SREBF2: variants seen among roughly 807,000 people sequenced by gnomAD.
The protein encoded by SREBF2 is sterol regulatory element-binding protein 2.
A neutral mutation model predicts 113.1 loss-of-function variants in SREBF2; 55 were observed. The observed-to-expected ratio is 0.49, with a 90% CI of 0.39 to 0.61. The LOEUF (loss-of-function observed/expected upper bound fraction) is 0.61. Among genes scored for constraint, SREBF2 ranks in the 20% least tolerant of loss-of-function variants. The probability of loss-of-function intolerance (pLI) is 0.00; values close to 1 mark genes in which losing one functional copy is unlikely to be tolerated. For synonymous variants in SREBF2, 593 were observed against 605.7 expected, an observed-to-expected ratio of 0.98 and a Z score of 0.31; for missense variants, 1,349 against 1,487.4, an observed-to-expected ratio of 0.91 and a Z score of 1.53.
chr22:41,836,049 AG>A (rs1470616016), intron 1 of SREBF2, among the ~76,000 whole-genome samples: 4 of 152,252 alleles, frequency 2.6e-5, no homozygotes, highest in African/African-American at 9.6e-5. Flanking sequence ...GTGGCTTCAT[AG>A]GTCCATTAGG....
In SREBF2 at chr22:41,902,678, G is replaced by A. The variant is rs11912825; in HGVS notation, c.2908-292G>A. On this transcript the variant is annotated intron_variant, in intron 16 of 18. Transcript: ENST00000361204. ...CCACAAGGGTTTTATTTCTGCCCCT[G>A]CCACCTGCCTGTGCTGTATTCCCTA... Among the ~76,000 whole-genome samples the A allele has an allele frequency of 7.3e-3, 1,117 of 152,284 alleles. 10 individuals are homozygous for A. Among genetic ancestry groups the A allele is most frequent in the African/African-American group, 0.026 (1,065 of 41,546 alleles).
At chr22:41,902,947 C>G (rs1229001310) in intron 16 of SREBF2, 23 bp from the exon 17 acceptor site, 6 of 1,602,876 alleles carry the variant, frequency 3.7e-6, no homozygotes, top group South Asian at 1.1e-5. Context: ...CCTGTCTCCC[C>G]TCTCTCGTGG....
In SREBF2 at chr22:41,897,066, C is replaced by T. The variant is rs140292172; in HGVS notation, c.2510C>T (p.Ala837Val). 6.2e-7 allele frequency: 1 copy of T among 1,612,576 alleles called. No homozygotes were observed. Among genetic ancestry groups the T allele is most frequent in the Non-Finnish European group, 8.5e-7 (1 of 1,179,236 alleles). ...QEEESCEFSS[A>V]LEYLKLLHSF... ...TTTCTTCCTAGTGAATTCTCCAGTG[C>T]TCTGGAGTACTTGAAATTACTTCAT... The change falls in exon 14 of 19, where the codon GCT (alanine) becomes GTT (valine). Residue 837 changes from alanine to valine, a missense_variant. By Grantham distance (64) the Ala-to-Val change is moderately conservative (BLOSUM62 0). Around this residue, in one of 2 missense-constraint regions of SREBF2, gnomAD observed 650 missense variants for 644.1 expected, o/e 1.01. Coordinates refer to ENST00000361204, the MANE Select transcript of SREBF2 (RefSeq NM_004599.4).
At chr22:41,886,761 C>T (rs759457037) in intron 11 of SREBF2, among the ~76,000 whole-genome samples, 5 of 152,210 alleles carry the variant, frequency 3.3e-5, no homozygotes, top group Admixed American at 6.5e-5. Context: ...GGGCCGGGCA[C>T]GGTGGCTTAC....
At chr22:41,857,585 G>A (rs62240960) in intron 1 of SREBF2, among the ~76,000 whole-genome samples, 4,735 of 152,188 alleles carry the variant, frequency 0.031, 95 homozygotes, top group Middle Eastern at 0.078. Flanking sequence ...TTGAGAATCC[G>A]CACCTCTCCA....
chr22:41,866,491 A>G (rs775034982), intron 1 of SREBF2, among the ~76,000 whole-genome samples: 4 of 152,210 alleles, frequency 2.6e-5, no homozygotes, highest in Non-Finnish European at 5.9e-5. Context: ...CAGAGGTTGA[A>G]GTAAGACAAG....
In SREBF2 at chr22:41,833,190, T is replaced by G. The variant is rs1035415606; in HGVS notation, c.-81T>G. ...GCGGTGCCGGGCGGGGGTTGTCGGG[T>G]GTCATGGGCGGTGGCGACGGCACCG... On this transcript the variant is annotated 5_prime_UTR_variant, in exon 1 of 19. Transcript: ENST00000361204. The surrounding 1 kb of genome is among the most constrained non-coding windows in gnomAD (Gnocchi z 4.1). The G allele has an allele frequency of 9.0e-7, 1 of 1,115,994 alleles. No individual in the cohort carries two copies. Among genetic ancestry groups the G allele is most frequent in the Non-Finnish European group, 1.2e-6 (1 of 814,902 alleles). 69.1% of individuals were successfully genotyped at this position (1,115,994 alleles called of 1,614,324 possible).
intron 11 of SREBF2, 107 bp downstream of exon 11, chr22:41,885,118 C>A: frequency 7.5e-7 from 1 of 1,335,390 alleles, no homozygotes; most frequent in Non-Finnish European, 1.1e-6. Flanking sequence ...AGGTGCTGCC[C>A]ACCTGGAGGG....
intron 1 of SREBF2, among the ~76,000 whole-genome samples, chr22:41,856,796 C>T (rs1042271033): frequency 7.2e-5 from 11 of 152,036 alleles, no homozygotes; most frequent in Non-Finnish European, 1.2e-4. Context: ...GATTAAGGGC[C>T]GGGCACGGTG....
In SREBF2 at chr22:41,905,790, T is replaced by C. The variant is rs1261433444; in HGVS notation, c.*130T>C. 9.6e-7 allele frequency: 1 copy of C among 1,040,710 alleles called. No homozygotes were observed. Among genetic ancestry groups the C allele is most frequent in the South Asian group, 1.4e-5 (1 of 73,024 alleles). The allele number at this position is 1,040,710 out of a possible 1,614,324, so 64.5% of individuals were successfully genotyped here. A position where few individuals can be genotyped will look rare whatever the true frequency, so the allele number is the denominator to read the frequency against. Reference sequence around the variant, plus strand: ...TCACCTGCCGAGGCTTCTGGGCCACTCAGGCCAGTGCACCCCTGGGCAGAG... The same window carrying C: ...TCACCTGCCGAGGCTTCTGGGCCACCCAGGCCAGTGCACCCCTGGGCAGAG... On this transcript the variant is annotated 3_prime_UTR_variant, in exon 19 of 19. Transcript: ENST00000361204.
rs1412875845 is a variant in SREBF2, at chr22:41,833,224, T to G, written c.-47T>G. 8.9e-6 allele frequency: 13 copies of G among 1,453,818 alleles called. No individual in the cohort carries two copies. The highest frequency in any genetic ancestry group is 1.8e-4 in the Middle Eastern group (1 of 5,574). 90.1% of individuals were successfully genotyped at this position (1,453,818 alleles called of 1,614,324 possible). ...CGGTGGCGACGGCACCGCCCCCGCG[T>G]CTCCCTGAGCGGGACGGCAGGGGGG... On this transcript the variant is annotated 5_prime_UTR_variant, in exon 1 of 19. Transcript: ENST00000361204. The surrounding 1 kb of genome is among the most constrained non-coding windows in gnomAD (Gnocchi z 4.1).
At chr22:41,859,206 C>T (rs2077003576) in intron 1 of SREBF2, among the ~76,000 whole-genome samples, 1 of 151,832 alleles carries the variant, frequency 6.6e-6, no homozygotes, top group Admixed American at 6.6e-5. Context: ...ATATAAATAC[C>T]ACAATGAAAA....
chr22:41,872,892 C>CA (rs533730009), intron 4 of SREBF2, among the ~76,000 whole-genome samples: 2,809 of 120,702 alleles, frequency 0.023, 88 homozygotes, highest in African/African-American at 0.074. Flanking sequence ...GACTTTGTCT[C>CA]AAAAAAAAAA....
In SREBF2 at chr22:41,906,068, C is replaced by G; in HGVS notation, c.*408C>G. On this transcript the variant is annotated 3_prime_UTR_variant, in exon 19 of 19. Transcript: ENST00000361204. ...CTGAGCACCAGGGAGCAGTTGCCCT[C>G]AGGCCTGTGCCCAGCATGCCCTCCC... The G allele has an allele frequency of 2.2e-6, 1 of 462,852 alleles. No individual in the cohort carries two copies. Among genetic ancestry groups the G allele is most frequent in the Non-Finnish European group, 4.3e-6 (1 of 232,308 alleles). 28.7% of individuals were successfully genotyped at this position (462,852 alleles called of 1,614,324 possible). A position where few individuals can be genotyped will look rare whatever the true frequency, so the allele number is the denominator to read the frequency against.
intron 13 of SREBF2, among the ~76,000 whole-genome samples, chr22:41,896,424 G>A (rs2077417366): frequency 6.6e-6 from 1 of 152,056 alleles, no homozygotes; most frequent in African/African-American, 2.4e-5. Flanking sequence ...TAGTGGTACA[G>A]TCTTGGCTCA....
chr22:41,833,343 C>T lies in SREBF2; in HGVS notation c.73C>T (p.Leu25=). The T allele has an allele frequency of 2.9e-6, 2 of 679,736 alleles. No homozygotes were observed. The highest frequency in any genetic ancestry group is 4.5e-6 in the Non-Finnish European group (2 of 439,662). The allele number at this position is 679,736 out of a possible 1,614,324, so 42.1% of individuals were successfully genotyped here. The change falls in exon 1 of 19, where the codon CTG becomes TTG. Residue 25 remains leucine (L), a synonymous_variant. Coordinates refer to ENST00000361204, the MANE Select transcript of SREBF2 (RefSeq NM_004599.4). The surrounding 1 kb of genome is among the most constrained non-coding windows in gnomAD (Gnocchi z 4.1). Reference sequence around the variant, plus strand: ...CACGGAGCTGGGCGACGAGCTGACCCTGGGAGACATCGACGGTGAGTGGTG... The same window carrying T: ...CACGGAGCTGGGCGACGAGCTGACCTTGGGAGACATCGACGGTGAGTGGTG... ...TLTELGDELT[L]GDIDEMLQFV...
Position 41,877,211 on chromosome 22 carries a change from C to T in SREBF2, c.1387-18C>T, listed in dbSNP as rs759555266. ...ACCTATGCAGTATTTATTCCAACCT[C>T]GAGGCCTTGTTTTGAAGGTCAAAGA... On this transcript the variant is annotated intron_variant, in intron 7 of 18. Transcript: ENST00000361204. 2 of 1,613,968 alleles carry T rather than the reference C, an allele frequency of 1.2e-6. No individual in the cohort carries two copies. Among genetic ancestry groups the T allele is most frequent in the Admixed American group, 1.7e-5 (1 of 60,022 alleles).
At chr22:41,892,627 G>A (rs1802476029) in intron 11 of SREBF2, among the ~76,000 whole-genome samples, 2 of 128,858 alleles carry the variant, frequency 1.6e-5, no homozygotes, top group Admixed American at 9.4e-5. Flanking sequence ...CAGCCTGGGC[G>A]ACAGAGCGAA....
At chr22:41,860,300 C>T (rs2077015605) in intron 1 of SREBF2, among the ~76,000 whole-genome samples, 1 of 149,516 alleles carries the variant, frequency 6.7e-6, no homozygotes, top group African/African-American at 2.5e-5. Context: ...CAAGAGCAGG[C>T]GGTTTACAAA....
Sources: allele counts gnomAD v4.1 joint callset (sites outside exome capture counted in the v4.1 genomes callset), GRCh38; gene constraint gnomAD v4.1.1; regional missense constraint gnomAD v4.1.1; non-coding constraint Gnocchi (gnomAD v3.1); transcripts MANE v1.5; gene names NCBI Gene and HGNC (gene_info 2026-07-23, HGNC 2026-07-21).